Variants in CSMD1 observed in about 807,000 individuals in gnomAD.
CSMD1 encodes CUB and Sushi multiple domains 1, also known as CUB and sushi domain-containing protein 1.
Under a neutral mutation model 417.5 loss-of-function variants are expected in CSMD1, and 213 were observed. The ratio of observed to expected loss-of-function variants is 0.51; its 90% CI spans 0.46 to 0.57. The LOEUF (loss-of-function observed/expected upper bound fraction) is 0.57. Among genes scored for constraint, CSMD1 ranks in the 20% least tolerant of loss-of-function variants. The pLI is 0.00. For synonymous variants in CSMD1, 2,862 were observed against 1,736.8 expected, an observed-to-expected ratio of 1.65 and a Z score of -16.11; for missense variants, 6,923 against 4,529.7, an observed-to-expected ratio of 1.53 and a Z score of -15.17.
chr8:3,997,948 C>A lies in CSMD1; in HGVS notation c.773G>T (p.Gly258Val). 6.2e-7 allele frequency: 1 copy of A among 1,612,248 alleles called. No individual in the cohort carries two copies. The highest frequency in any genetic ancestry group is 8.5e-7 in the Non-Finnish European group (1 of 1,179,146). Residue 258 changes from glycine to valine, a missense_variant, in exon 5 of 70, where the codon GGA becomes GTA. Physicochemically the swap from Gly to Val is moderately radical, Grantham distance 109. Coordinates refer to ENST00000635120, the MANE Select transcript of CSMD1 (RefSeq NM_033225.6). ...LVFTDFQLEEGYDFLEISGTE... is the reference protein window; with the variant it reads ...LVFTDFQLEEVYDFLEISGTE... ...GCCACTGATCTCTAAGAAATCATAT[C>A]CTTCTTCTAGCTGAAAGTCAGTGAA... is the stretch of plus-strand genomic sequence containing the variant.
chr8:3,441,492 C>CATATATAT (rs377759438), intron 12 of CSMD1, among the ~76,000 whole-genome samples: 4,153 of 143,564 alleles, frequency 0.029, 82 homozygotes, highest in Middle Eastern at 0.077. Context: ...CATATAATTT[C>CATATATAT]ATATATATAT....
chr8:3,266,226 C>T (rs894324917), intron 26 of CSMD1, among the ~76,000 whole-genome samples: 2 of 150,696 alleles, frequency 1.3e-5, no homozygotes, highest in African/African-American at 4.9e-5. Context: ...AGTCAGGGGG[C>T]TCCCGGGATG....
intron 25 of CSMD1, among the ~76,000 whole-genome samples, chr8:3,287,048 C>G (rs1055207772): frequency 3.1e-4 from 47 of 152,060 alleles, no homozygotes; most frequent in Non-Finnish European, 6.3e-4. Flanking sequence ...ATATGGCTAG[C>G]CAGTTTTCCC....
At chr8:3,128,609 C>T (rs1817633925) in intron 41 of CSMD1, 2 of 297,694 alleles carry the variant, frequency 6.7e-6, no homozygotes, top group Admixed American at 4.7e-5. Context: ...GTCATCTTAT[C>T]AATTTATCAA....
At chr8:3,622,108 A>G (rs1452470068) in intron 7 of CSMD1, among the ~76,000 whole-genome samples, 2 of 152,088 alleles carry the variant, frequency 1.3e-5, no homozygotes, top group Admixed American at 6.6e-5. Flanking sequence ...GTGCTGGGGT[A>G]CAGTTCTCAA....
In CSMD1 at chr8:3,932,196, A is replaced by G. The variant is rs534027964; in HGVS notation, c.818+65707T>C. On this transcript the variant is annotated intron_variant, in intron 5 of 69. Transcript: ENST00000635120. ...CCTAACTGTAGACACTGTTTCATCG[A>G]TACTTTGGTCCCATATCATGTTACT... Among the ~76,000 whole-genome samples, 21 of 150,528 alleles carry G rather than the reference A, an allele frequency of 1.4e-4. 1 individual carries two copies. The highest frequency in any genetic ancestry group is 8.6e-4 in the South Asian group (4 of 4,666).
rs1449718712 is a variant in CSMD1 at position 2,983,122 on chromosome 8, T to C, written c.8378-4322A>G. ...TAATTCCAAGTTCCATCTGTTGTTC[T>C]CAGAAAAACTTTTTATAATCAGTTC... On this transcript the variant is annotated intron_variant, in intron 54 of 69. Coordinates refer to ENST00000635120, the MANE Select transcript of CSMD1 (RefSeq NM_033225.6). Among the ~76,000 whole-genome samples, 5 of 152,326 alleles carry C rather than the reference T, an allele frequency of 3.3e-5. No individual in the cohort carries two copies. The South Asian group carries it at 1.0e-3, about 32-fold the overall frequency.
chr8:3,778,290 T>C (rs1799001396), intron 5 of CSMD1, among the ~76,000 whole-genome samples: 1 of 152,156 alleles, frequency 6.6e-6, no homozygotes, highest in Admixed American at 6.5e-5. Flanking sequence ...TAGTTTACCA[T>C]TTAAAAGGGT....
At chr8:4,441,136 T>A (rs1342702603) in intron 2 of CSMD1, among the ~76,000 whole-genome samples, 1 of 131,012 alleles carries the variant, frequency 7.6e-6, no homozygotes, top group African/African-American at 2.8e-5. Flanking sequence ...AGGGTCTCTG[T>A]CACCTAAGCT....
At chr8:4,215,984 G>A (rs1229298556) in intron 3 of CSMD1, among the ~76,000 whole-genome samples, 3 of 152,172 alleles carry the variant, frequency 2.0e-5, no homozygotes, top group Non-Finnish European at 4.4e-5. Context: ...CTTAAACTCA[G>A]AGAGTGGTGC....
rs1238097957 is a variant in CSMD1 at position 4,694,343 on chromosome 8, T to TC, written c.86-56786dup. Among the ~76,000 whole-genome samples the TC allele has an allele frequency of 2.6e-5, 4 of 152,116 alleles. No homozygotes were observed. In the East Asian group the frequency reaches 7.8e-4, roughly 30 times the overall value. On this transcript the variant is annotated intron_variant, in intron 1 of 69. Coordinates refer to ENST00000635120, the MANE Select transcript of CSMD1 (RefSeq NM_033225.6). ...GGACCAAACCAAAAACCAAAGTACT[T>TC]CTTTTTTTTATTTTTTTTATTTTTT... is the stretch of plus-strand genomic sequence containing the variant.
At chr8:4,224,234 GAAAA>G (rs67231066) in intron 3 of CSMD1, among the ~76,000 whole-genome samples, 1 of 151,454 alleles carries the variant, frequency 6.6e-6, no homozygotes, top group Non-Finnish European at 1.5e-5. Flanking sequence ...GCCTTTTTCA[GAAAA>G]AAAAAATAAT....
intron 5 of CSMD1, among the ~76,000 whole-genome samples, chr8:3,996,850 A>C (rs1815259944): frequency 6.6e-6 from 1 of 152,210 alleles, no homozygotes; most frequent in Non-Finnish European, 1.5e-5. Flanking sequence ...TGTGATTTGG[A>C]AAACAAAGTG....
At chr8:3,067,821 T>C (rs1329496829) in intron 49 of CSMD1, among the ~76,000 whole-genome samples, 3 of 152,068 alleles carry the variant, frequency 2.0e-5, no homozygotes, top group Non-Finnish European at 2.9e-5. Flanking sequence ...TTACCTAATT[T>C]ATCTTACTGA....
At chr8:3,903,813 G>A (rs530692369) in intron 5 of CSMD1, among the ~76,000 whole-genome samples, 72 of 152,208 alleles carry the variant, frequency 4.7e-4, no homozygotes, top group African/African-American at 1.6e-3. Flanking sequence ...CATGGGTCAT[G>A]TTTTCTTCGA....
intron 1 of CSMD1, among the ~76,000 whole-genome samples, chr8:4,807,976 T>G (rs1175253499): frequency 6.6e-6 from 1 of 152,188 alleles, no homozygotes; most frequent in Non-Finnish European, 1.5e-5. Context: ...TTGGAAAAAC[T>G]TCCCAAACAG....
At chr8:3,516,801 G>C (rs1431400863) in intron 10 of CSMD1, among the ~76,000 whole-genome samples, 2 of 152,020 alleles carry the variant, frequency 1.3e-5, no homozygotes, top group African/African-American at 2.4e-5. Context: ...ACTACCATTT[G>C]GCCCAACAAT....
At position 4,706,721 on chromosome 8, in the gene CSMD1, G is replaced by C. The variant is rs539361807; in HGVS notation, c.86-69163C>G. Among the ~76,000 whole-genome samples, 114 of 152,298 alleles carry C rather than the reference G, an allele frequency of 7.5e-4. 1 individual carries two copies. The highest frequency in any genetic ancestry group is 2.6e-3 in the African/African-American group (110 of 41,560). On this transcript the variant is annotated intron_variant, in intron 1 of 69. Coordinates refer to ENST00000635120, the MANE Select transcript of CSMD1 (RefSeq NM_033225.6). ...GAAAGTCCAAAAAACAAAAGACAGA[G>C]ATGTGGCCGGGGAGGCAGAGGGTCA... is the stretch of plus-strand genomic sequence containing the variant.
chr8:4,311,002 G>T (rs1308096773), intron 3 of CSMD1, among the ~76,000 whole-genome samples: 7 of 152,290 alleles, frequency 4.6e-5, no homozygotes, highest in African/African-American at 1.7e-4. Flanking sequence ...AAAGATAATA[G>T]AAAGTGGCAA....
Sources: allele counts gnomAD v4.1 joint callset (sites outside exome capture counted in the v4.1 genomes callset), GRCh38; gene constraint gnomAD v4.1.1; transcripts MANE v1.5; gene names NCBI Gene and HGNC (gene_info 2026-07-23, HGNC 2026-07-21).